TSHZ2: variants seen among roughly 807,000 people sequenced by gnomAD.
TSHZ2 encodes teashirt homolog 2.
TSHZ2 carries 21 observed loss-of-function variants against 74.4 expected under a neutral mutation model. That is an observed-to-expected ratio of 0.28 (90% CI 0.20 to 0.41). TSHZ2 has a LOEUF of 0.41. Ranked by LOEUF, TSHZ2 falls within the 10% of genes least tolerant of loss-of-function variation. TSHZ2 has a pLI of 1.00. For missense variants in TSHZ2, 1,244 were observed against 1,293.5 expected (o/e 0.96, Z 0.59); for synonymous variants, 540 against 515.3 (o/e 1.05, Z -0.65).
At chr20:53,312,217 G>A (rs1314069654) in intron 2 of TSHZ2, among the ~76,000 whole-genome samples, 2 of 152,186 alleles carry the variant, frequency 1.3e-5, no homozygotes, top group African/African-American at 4.8e-5. Context: ...ATAAGGACAG[G>A]GCAGTAGAGC....
chr20:53,369,831 T>C (rs571188895), intron 2 of TSHZ2, among the ~76,000 whole-genome samples: 1 of 152,208 alleles, frequency 6.6e-6, no homozygotes, highest in Admixed American at 6.5e-5. Flanking sequence ...AACGACCTCA[T>C]GAAAAGCTTG....
intron 2 of TSHZ2, among the ~76,000 whole-genome samples, chr20:53,267,201 G>C (rs1990738947): frequency 6.6e-6 from 1 of 152,214 alleles, no homozygotes; most frequent in African/African-American, 2.4e-5. Context: ...GATCAGGATA[G>C]GCCTCGAGGG....
chr20:53,297,729 A>G (rs1330824199), intron 2 of TSHZ2, among the ~76,000 whole-genome samples: 2 of 152,216 alleles, frequency 1.3e-5, no homozygotes, highest in African/African-American at 2.4e-5. Flanking sequence ...TCCAAGCCCC[A>G]CTTTCCTTGT....
intron 1 of TSHZ2, among the ~76,000 whole-genome samples, chr20:53,212,232 A>G (rs1392831273): frequency 6.6e-6 from 1 of 152,178 alleles, no homozygotes; most frequent in Non-Finnish European, 1.5e-5. Context: ...CTTTGCAATA[A>G]TTTAAAGTGT....
At chr20:53,443,245 A>T (rs1257694461) in intron 2 of TSHZ2, among the ~76,000 whole-genome samples, 4 of 152,186 alleles carry the variant, frequency 2.6e-5, no homozygotes, top group Admixed American at 2.6e-4. Context: ...TGAAATATAT[A>T]TATTTTAAAA....
intron 1 of TSHZ2, among the ~76,000 whole-genome samples, chr20:53,013,060 T>G (rs1406532710): frequency 6.6e-6 from 1 of 152,170 alleles, no homozygotes; most frequent in Admixed American, 6.5e-5. Context: ...AAATTCACTA[T>G]ATTTTCTTCT....
At chr20:52,975,747 G>A (rs1346486694) in intron 1 of TSHZ2, among the ~76,000 whole-genome samples, 1 of 152,108 alleles carries the variant, frequency 6.6e-6, no homozygotes, top group Non-Finnish European at 1.5e-5. Flanking sequence ...TTTTCATGCA[G>A]TGTTTCTTCT....
intron 1 of TSHZ2, among the ~76,000 whole-genome samples, chr20:53,100,647 A>C (rs1395068767): frequency 6.6e-6 from 1 of 152,132 alleles, no homozygotes; most frequent in Non-Finnish European, 1.5e-5. Flanking sequence ...ATGATTTCAC[A>C]AAAGGGTCAA....
rs370108566 is a variant in TSHZ2 at position 53,089,341 on chromosome 20, T to TTTTTA, written c.40+116008_40+116009insTTTTA. Among the ~76,000 whole-genome samples, 143 of 129,772 alleles carry TTTTTA rather than the reference T, an allele frequency of 1.1e-3. 3 individuals are homozygous for TTTTTA. The highest frequency in any genetic ancestry group is 1.5e-3 in the South Asian group (6 of 4,094). The allele number at this position is 129,772 out of a possible 152,430, so 85.1% of individuals were successfully genotyped here. On this transcript the variant is annotated intron_variant, in intron 1 of 2. Coordinates refer to ENST00000371497, the MANE Select transcript of TSHZ2 (RefSeq NM_173485.6). ...TTTTCTTTTTTTTTTTTTTTTTTTT[T>TTTTTA]ATTAAACAGAGTTTTTCCAACTTCC... is the stretch of plus-strand genomic sequence containing the variant.
intron 1 of TSHZ2, among the ~76,000 whole-genome samples, chr20:52,976,675 C>T (rs540795195): frequency 1.1e-4 from 16 of 152,304 alleles, no homozygotes; most frequent in East Asian, 1.9e-4. Flanking sequence ...CCTCTGTGCG[C>T]GCACATAAAT....
rs1177323683 is a variant in TSHZ2, at chr20:53,254,687, G to A, written c.1229G>A (p.Ser410Asn). ...ACAGGTCACTTTCTCAAGGTCACCA[G>A]CTCTGCCTCCAAGAAAGGGAAGCAG... ...MVTGHFLKVT[S>N]SASKKGKQLV... The change falls in exon 2 of 3, where the codon AGC (serine) becomes AAC (asparagine). Residue 410 changes from serine (S) to asparagine (N), a missense_variant. This residue lies in a region of TSHZ2 where 562 missense variants were observed against 544.0 expected (regional missense o/e 1.03). Coordinates refer to ENST00000371497, the MANE Select transcript of TSHZ2 (RefSeq NM_173485.6). 2 of 1,614,070 alleles carry A rather than the reference G, an allele frequency of 1.2e-6. No homozygotes were observed. Among genetic ancestry groups the A allele is most frequent in the African/African-American group, 1.3e-5 (1 of 74,924 alleles).
At chr20:53,232,961 A>G (rs1475863555) in intron 1 of TSHZ2, among the ~76,000 whole-genome samples, 1 of 152,182 alleles carries the variant, frequency 6.6e-6, no homozygotes, top group Non-Finnish European at 1.5e-5. Flanking sequence ...ATCACTTAGA[A>G]TTTCTATTTT....
At chr20:53,004,369 G>A (rs139667693) in intron 1 of TSHZ2, among the ~76,000 whole-genome samples, 98 of 152,312 alleles carry the variant, frequency 6.4e-4, no homozygotes, top group African/African-American at 2.3e-3. Context: ...TAGTGAAGCT[G>A]AAATCGGTCA....
intron 1 of TSHZ2, among the ~76,000 whole-genome samples, chr20:53,239,178 G>T (rs991426573): frequency 6.6e-6 from 1 of 152,240 alleles, no homozygotes; most frequent in Middle Eastern, 3.4e-3. Context: ...TCTCCCAGTT[G>T]TGACAATCAA....
chr20:53,182,635 TCTAA>T (rs1164768061), intron 1 of TSHZ2, among the ~76,000 whole-genome samples: 1 of 152,228 alleles, frequency 6.6e-6, no homozygotes, highest in Non-Finnish European at 1.5e-5. Flanking sequence ...AAAGAATCTC[TCTAA>T]CTTTTGGTAA....
chr20:53,406,275 T>C (rs1982849573), intron 2 of TSHZ2, among the ~76,000 whole-genome samples: 1 of 152,186 alleles, frequency 6.6e-6, no homozygotes, highest in South Asian at 2.1e-4. Flanking sequence ...GATGGCACCA[T>C]CTATGTAGAC....
chr20:53,471,858 G>A (rs544943080), intron 2 of TSHZ2, among the ~76,000 whole-genome samples: 1 of 143,748 alleles, frequency 7.0e-6, no homozygotes, highest in East Asian at 2.1e-4. Context: ...CCAGGCTGGA[G>A]CACAATGGCA....
chr20:53,361,694 G>A lies in TSHZ2; in HGVS notation c.*8+105123G>A, dbSNP rs533300937. Among the ~76,000 whole-genome samples, 11 of 152,206 alleles carry A rather than the reference G, an allele frequency of 7.2e-5. No individual in the cohort carries two copies. The South Asian group carries it at 1.5e-3, about 20-fold the overall frequency. ...GTCACAAAGATTGAGAGGTGACACC[G>A]ACATTTATTTGGTGGTCAGAGGCCA... On this transcript the variant is annotated intron_variant, in intron 2 of 2. Coordinates refer to ENST00000371497, the MANE Select transcript of TSHZ2 (RefSeq NM_173485.6).
At chr20:53,022,753 C>T (rs925437583) in intron 1 of TSHZ2, among the ~76,000 whole-genome samples, 3 of 152,150 alleles carry the variant, frequency 2.0e-5, no homozygotes, top group East Asian at 1.9e-4. Flanking sequence ...ATTGTACATA[C>T]ATCTAACATG....
Sources: allele counts gnomAD v4.1 joint callset (sites outside exome capture counted in the v4.1 genomes callset), GRCh38; gene constraint gnomAD v4.1.1; regional missense constraint gnomAD v4.1.1; transcripts MANE v1.5; gene names NCBI Gene and HGNC (gene_info 2026-07-23, HGNC 2026-07-21).